The following FAM78B variants were observed in gnomAD, a reference collection of about 807,000 sequenced individuals.
FAM78B encodes the protein protein FAM78B.
Under a neutral mutation model 20.0 loss-of-function variants are expected in FAM78B, and 10 were observed. The ratio of observed to expected loss-of-function variants is 0.50; its 90% CI spans 0.31 to 0.85. The LOEUF is 0.85. Ranked by LOEUF, FAM78B falls within the 40% of genes least tolerant of loss-of-function variation. FAM78B has a pLI of 0.05. For missense variants in FAM78B, 283 were observed against 345.0 expected (o/e 0.82, Z 1.42); for synonymous variants, 135 against 132.8 (o/e 1.02, Z -0.12).
chr1:166,080,642 T>A (rs1269562274), intron 1 of FAM78B, among the ~76,000 whole-genome samples: 2 of 152,246 alleles, frequency 1.3e-5, no homozygotes, highest in Non-Finnish European at 2.9e-5. Context: ...CCTAAGGCTC[T>A]ACTATTTGGG....
rs146564383 is a variant in FAM78B at position 166,119,398 on chromosome 1, C to T, written c.263+46588G>A. On this transcript the variant is annotated intron_variant, in intron 1 of 1. Transcript: ENST00000354422. The stretch of plus-strand genomic sequence containing the variant: ...TTGACATGAGTGATTCCAAAGGAGA[C>T]GACGCACATGGTAAAAAACAAGCCC... 7.9e-5 allele frequency among the ~76,000 whole-genome samples: 12 copies of T among 152,240 alleles called. 1 individual carries two copies. Among genetic ancestry groups the T allele is most frequent in the South Asian group, 6.2e-4 (3 of 4,820 alleles).
At position 166,070,243 on chromosome 1, in the gene FAM78B, A is replaced by G. The variant is rs1439990852; in HGVS notation, c.784T>C (p.Ter262GlnextTer48). 1 of 1,540,542 alleles carries G rather than the reference A, an allele frequency of 6.5e-7. No homozygotes were observed. Among genetic ancestry groups the G allele is most frequent in the Non-Finnish European group, 8.8e-7 (1 of 1,142,834 alleles). The change falls in exon 2 of 2, where the codon TAG (stop) becomes CAG (glutamine). Residue 262 changes from the stop codon to glutamine (Q), a stop_lost. Coordinates refer to ENST00000354422, the MANE Select transcript of FAM78B (RefSeq NM_001017961.5). ...CACACAGTCAGGCCAGTCTGCTTCT[A>G]CTTAGGAGGGATCACAACCAGAGGT... is the stretch of plus-strand genomic sequence containing the variant. Reference protein sequence around the residue: ...GPPLVVIPPK* With the variant: ...GPPLVVIPPKQ
At chr1:166,137,671 T>C (rs1428726471) in intron 1 of FAM78B, among the ~76,000 whole-genome samples, 1 of 152,206 alleles carries the variant, frequency 6.6e-6, no homozygotes, top group African/African-American at 2.4e-5. Flanking sequence ...AAATAAAATA[T>C]TAGAATTCCA....
intron 1 of FAM78B, among the ~76,000 whole-genome samples, chr1:166,077,775 T>C (rs912169452): frequency 7.3e-6 from 1 of 137,102 alleles, no homozygotes; most frequent in African/African-American, 2.8e-5. Flanking sequence ...ATATGAATTA[T>C]ATATAATAAA....
At chr1:166,119,959 G>C (rs1458745297) in intron 1 of FAM78B, among the ~76,000 whole-genome samples, 2 of 152,206 alleles carry the variant, frequency 1.3e-5, no homozygotes, top group Non-Finnish European at 2.9e-5. Flanking sequence ...AAGAGAGGCA[G>C]CTCTGTTTGG....
rs141246156 is a variant in FAM78B at position 166,091,676 on chromosome 1, G to A, written c.264-20913C>T. 7.3e-4 allele frequency among the ~76,000 whole-genome samples: 111 copies of A among 152,296 alleles called. 1 individual carries two copies. The highest frequency in any genetic ancestry group is 2.4e-3 in the Admixed American group (36 of 15,304). The stretch of plus-strand genomic sequence containing the variant: ...TGGTCCTGCCACCTGACATTGCCAC[G>A]GAGATCCTCCATAAGGATTTGGAGG... On this transcript the variant is annotated intron_variant, in intron 1 of 1. Coordinates refer to ENST00000354422, the MANE Select transcript of FAM78B (RefSeq NM_001017961.5).
intron 1 of FAM78B, among the ~76,000 whole-genome samples, chr1:166,122,146 T>G (rs1241713137): frequency 6.6e-6 from 1 of 152,166 alleles, no homozygotes; most frequent in East Asian, 1.9e-4. Context: ...CTTTTTTTCC[T>G]TGCCTTAGCC....
At chr1:166,057,810 T>G (rs1432715409) in exon 3 of FAM78B, 3 of 152,150 alleles carry the variant, frequency 2.0e-5, no homozygotes, top group Non-Finnish European at 4.4e-5. Context: ...TTAACTGATA[T>G]AGTCAGTCAT....
At chr1:166,093,748 C>T (rs1237102661) in intron 1 of FAM78B, among the ~76,000 whole-genome samples, 4 of 151,492 alleles carry the variant, frequency 2.6e-5, no homozygotes, top group Non-Finnish European at 5.9e-5. Flanking sequence ...ACATGGGAAA[C>T]ACTTTTTTTT....
chr1:166,102,955 G>A (rs1422667289), intron 1 of FAM78B, among the ~76,000 whole-genome samples: 1 of 152,118 alleles, frequency 6.6e-6, no homozygotes, highest in Non-Finnish European at 1.5e-5. Flanking sequence ...CACATAGTTG[G>A]AAGTAAAGCA....
intron 1 of FAM78B, among the ~76,000 whole-genome samples, chr1:166,126,453 TAA>T (rs1553221750): frequency 1.3e-5 from 2 of 151,888 alleles, no homozygotes; most frequent in Non-Finnish European, 2.9e-5. Flanking sequence ...GTAGAGCAGG[TAA>T]AAGAGACTGG....
At chr1:166,063,924 G>A (rs959411970) in intron 2 of FAM78B, among the ~76,000 whole-genome samples, 1 of 152,242 alleles carries the variant, frequency 6.6e-6, no homozygotes, top group Non-Finnish European at 1.5e-5. Context: ...GCAGAGGATG[G>A]GCTCCTATGC....
chr1:166,087,972 G>C (rs901484942), intron 1 of FAM78B, among the ~76,000 whole-genome samples: 1 of 152,118 alleles, frequency 6.6e-6, no homozygotes, highest in African/African-American at 2.4e-5. Context: ...GATGGCAGAG[G>C]GTACTTGTGT....
intron 1 of FAM78B, among the ~76,000 whole-genome samples, chr1:166,074,952 G>C (rs143389159): frequency 6.6e-6 from 1 of 152,290 alleles, no homozygotes; most frequent in Non-Finnish European, 1.5e-5. Context: ...TTGGAATAGA[G>C]ATAGGCATTC....
At chr1:166,115,929 G>C (rs1654236927) in intron 1 of FAM78B, among the ~76,000 whole-genome samples, 1 of 152,216 alleles carries the variant, frequency 6.6e-6, no homozygotes, top group Non-Finnish European at 1.5e-5. Flanking sequence ...AAGGTGTGAA[G>C]GTCTTTTCAA....
At chr1:166,065,286 T>G (rs1222463546), downstream of FAM78B, among the ~76,000 whole-genome samples, 2 of 152,188 alleles carry the variant, frequency 1.3e-5, no homozygotes, top group South Asian at 4.1e-4. Flanking sequence ...CAATTTAGTG[T>G]GACCTTGGAC....
intron 1 of FAM78B, among the ~76,000 whole-genome samples, chr1:166,150,445 T>C (rs1655632294): frequency 6.6e-6 from 1 of 152,230 alleles, no homozygotes; most frequent in South Asian, 2.1e-4. Flanking sequence ...TAAATCATAA[T>C]AGACTAAATC....
intron 1 of FAM78B, among the ~76,000 whole-genome samples, chr1:166,145,956 C>T (rs576489137): frequency 2.0e-5 from 3 of 152,222 alleles, no homozygotes; most frequent in Non-Finnish European, 4.4e-5. Flanking sequence ...GTGTCTCTGC[C>T]AGGCTTTGCC....
intron 1 of FAM78B, among the ~76,000 whole-genome samples, chr1:166,076,487 A>G (rs1331874004): frequency 1.3e-5 from 2 of 151,918 alleles, no homozygotes; most frequent in Non-Finnish European, 2.9e-5. Context: ...TTTCCTAACA[A>G]CCATATTTAA....
Sources: gnomAD v4.1 joint callset for allele counts (sites outside exome capture counted in the v4.1 genomes callset) on GRCh38, gnomAD v4.1.1 for gene constraint, MANE v1.5 for transcripts, NCBI Gene and HGNC (gene_info 2026-07-23, HGNC 2026-07-21) for gene names.